Variants in DNAJC24 observed in about 807,000 individuals in gnomAD.
DNAJC24 encodes DnaJ heat shock protein family (Hsp40) member C24.
A neutral mutation model predicts 18.0 loss-of-function variants in DNAJC24; 17 were observed. That is an observed-to-expected ratio of 0.94 (90% confidence interval 0.65 to 1.42). The LOEUF (loss-of-function observed/expected upper bound fraction) is 1.42, where lower values mean the gene tolerates loss of function less well. Ranked by LOEUF, DNAJC24 falls within the 40% of genes most tolerant of loss-of-function variation. The pLI is 0.00. For synonymous variants in DNAJC24, 55 were observed against 57.7 expected, an observed-to-expected ratio of 0.95 and a Z score of 0.21; for missense variants, 158 against 175.6, an observed-to-expected ratio of 0.90 and a Z score of 0.57.
At chr11:31,417,154 A>C (rs967548131) in intron 3 of DNAJC24, 1 of 148,278 alleles carries the variant, frequency 6.7e-6, no homozygotes, top group African/African-American at 2.6e-5. Flanking sequence ...CCTCAGATTT[A>C]AGTACTAAGT....
Position 31,370,827 on chromosome 11 carries a change from CTAAAACAAAA to C in DNAJC24, c.80_89del (p.Leu27HisfsTer7). The stretch of plus-strand genomic sequence containing the variant: ...AGACCCATCTGCAAATATATCAGAC[CTAAAACAAAA>C]ATATCAAAAACTCATATTAATGGTA... On this transcript the variant is annotated frameshift_variant, in exon 2 of 5. Transcript: ENST00000465995. LOFTEE classifies it high-confidence loss of function. 2 of 1,609,910 alleles carry C rather than the reference CTAAAACAAAA, an allele frequency of 1.2e-6. No individual in the cohort carries two copies. Among genetic ancestry groups the C allele is most frequent in the Non-Finnish European group, 1.7e-6 (2 of 1,178,158 alleles).
chr11:31,412,388 T>G (rs1952717808), intron 2 of DNAJC24, among the ~76,000 whole-genome samples: 1 of 152,198 alleles, frequency 6.6e-6, no homozygotes, highest in Admixed American at 6.5e-5. Flanking sequence ...AATTAAGAGT[T>G]TTCCCCTGTA....
intron 3 of DNAJC24, among the ~76,000 whole-genome samples, chr11:31,422,366 T>C (rs960371279): frequency 6.6e-6 from 1 of 152,200 alleles, no homozygotes; most frequent in Non-Finnish European, 1.5e-5. Flanking sequence ...TTGGACTCAT[T>C]ATAAGAGTAT....
At chr11:31,391,048 A>G (rs1952490399) in intron 2 of DNAJC24, among the ~76,000 whole-genome samples, 1 of 152,212 alleles carries the variant, frequency 6.6e-6, no homozygotes, top group African/African-American at 2.4e-5. Context: ...ATGGTTCAGC[A>G]TACATAGATC....
chr11:31,388,667 G>A (rs1192692815), intron 2 of DNAJC24, among the ~76,000 whole-genome samples: 5 of 152,090 alleles, frequency 3.3e-5, no homozygotes, highest in African/African-American at 4.8e-5. Flanking sequence ...ATAAGAAACC[G>A]TCTGAAGGTA....
intron 2 of DNAJC24, among the ~76,000 whole-genome samples, chr11:31,399,446 G>A (rs1180351807): frequency 9.0e-5 from 12 of 134,066 alleles, no homozygotes; most frequent in African/African-American, 5.7e-5. Context: ...ACGGAGTCTC[G>A]CTCCGTCACC....
intron 2 of DNAJC24, chr11:31,408,023 G>C: frequency 2.2e-6 from 1 of 446,280 alleles, no homozygotes; most frequent in Non-Finnish European, 4.5e-6. Context: ...TGAAGAAGTT[G>C]ACATTTATGA....
intron 2 of DNAJC24, among the ~76,000 whole-genome samples, chr11:31,390,658 A>G (rs933877414): frequency 1.0e-4 from 15 of 150,472 alleles, no homozygotes; most frequent in Admixed American, 2.7e-4. Flanking sequence ...GTGAGCCAAG[A>G]TCGCACCACT....
chr11:31,393,665 C>T (rs1010918210), intron 2 of DNAJC24, among the ~76,000 whole-genome samples: 7 of 152,120 alleles, frequency 4.6e-5, no homozygotes, highest in Non-Finnish European at 8.8e-5. Flanking sequence ...TGGGCTCTGA[C>T]CTGCTTGTAC....
chr11:31,405,441 T>C (rs2133489840), intron 2 of DNAJC24, among the ~76,000 whole-genome samples: 1 of 151,836 alleles, frequency 6.6e-6, no homozygotes, highest in South Asian at 2.1e-4. Flanking sequence ...ACTGTCTTAG[T>C]CCATTTCATG....
At chr11:31,398,126 GA>G (rs1374695087) in intron 2 of DNAJC24, among the ~76,000 whole-genome samples, 3 of 152,164 alleles carry the variant, frequency 2.0e-5, no homozygotes, top group Non-Finnish European at 2.9e-5. Flanking sequence ...GGTATCCTAA[GA>G]AGCCTACTTA....
intron 2 of DNAJC24, among the ~76,000 whole-genome samples, chr11:31,401,805 C>CT (rs1952603595): frequency 6.6e-6 from 1 of 152,170 alleles, no homozygotes. Flanking sequence ...GTCAGTGTGG[C>CT]TGGCCACATA....
chr11:31,371,144 G>T (rs1014488096), intron 2 of DNAJC24, among the ~76,000 whole-genome samples: 4 of 152,044 alleles, frequency 2.6e-5, no homozygotes, highest in Admixed American at 6.6e-5. Flanking sequence ...TGCCAAGGGA[G>T]GATTAAATGA....
chr11:31,399,033 G>A (rs17632324), intron 2 of DNAJC24, among the ~76,000 whole-genome samples: 43,223 of 152,100 alleles, frequency 0.28, 7,002 homozygotes, highest in Non-Finnish European at 0.35. Flanking sequence ...TGTAGCTTGT[G>A]TTGAATATAT....
At chr11:31,410,122 A>G (rs1449718705) in intron 2 of DNAJC24, among the ~76,000 whole-genome samples, 1 of 152,036 alleles carries the variant, frequency 6.6e-6, no homozygotes, top group African/African-American at 2.4e-5. Context: ...ACCTCAGGTG[A>G]TCTGCCCACC....
chr11:31,409,887 TC>T (rs917538532), intron 2 of DNAJC24, among the ~76,000 whole-genome samples: 2 of 145,998 alleles, frequency 1.4e-5, no homozygotes, highest in Non-Finnish European at 2.9e-5. Context: ...TTTTTCTTTT[TC>T]TTTTTTTTTT....
intron 1 of DNAJC24, among the ~76,000 whole-genome samples, chr11:31,370,308 T>G (rs1378003689): frequency 1.3e-5 from 2 of 152,168 alleles, no homozygotes; most frequent in East Asian, 3.9e-4. Context: ...TCTTTGATGT[T>G]CTGTTTTGCT....
chr11:31,422,933 T>G (rs1177053374), intron 3 of DNAJC24, among the ~76,000 whole-genome samples: 1 of 152,124 alleles, frequency 6.6e-6, no homozygotes, highest in Non-Finnish European at 1.5e-5. Flanking sequence ...ACTGCCCACA[T>G]TTAGATTCAC....
chr11:31,384,448 A>G lies in DNAJC24; in HGVS notation c.111+13589A>G, dbSNP rs571816041. On this transcript the variant is annotated intron_variant, in intron 2 of 4. Transcript: ENST00000465995. Reference sequence around the variant, plus strand: ...AGCACCAACTTCATGGACTCAATATAATAGATTCTCAGTACATTCTTTGGT... The same window carrying G: ...AGCACCAACTTCATGGACTCAATATGATAGATTCTCAGTACATTCTTTGGT... 7 of 152,348 alleles carry G rather than the reference A, an allele frequency of 4.6e-5. No individual in the cohort carries two copies. The East Asian group carries it at 1.3e-3, about 29-fold the overall frequency. The allele number at this position is 152,348 out of a possible 1,614,324, so 9.4% of individuals were successfully genotyped here.
Sources: gnomAD v4.1 joint callset for allele counts (sites outside exome capture counted in the v4.1 genomes callset) on GRCh38, gnomAD v4.1.1 for gene constraint, MANE v1.5 for transcripts, NCBI Gene and HGNC (gene_info 2026-07-23, HGNC 2026-07-21) for gene names.